The following ADORA2A variants were observed in gnomAD, a reference collection of about 807,000 sequenced individuals.
ADORA2A encodes adenosine receptor A2a.
Under a neutral mutation model 18.4 loss-of-function variants are expected in ADORA2A, and 11 were observed. The ratio of observed to expected loss-of-function variants is 0.60; its 90% CI spans 0.38 to 0.99. The LOEUF (loss-of-function observed/expected upper bound fraction) is 0.99, where lower values mean the gene tolerates loss of function less well. ADORA2A is among the 50% of genes least tolerant of loss of function. The probability of loss-of-function intolerance (pLI) is 0.01; values close to 1 mark genes in which losing one functional copy is unlikely to be tolerated. For missense variants in ADORA2A, 449 were observed against 556.1 expected (o/e 0.81, Z 1.94); for synonymous variants, 218 against 237.3 (o/e 0.92, Z 0.75).
intron 2 of ADORA2A, among the ~76,000 whole-genome samples, chr22:24,434,487 T>A (rs898461906): frequency 3.3e-5 from 5 of 152,212 alleles, no homozygotes; most frequent in African/African-American, 4.8e-5. Flanking sequence ...CGGCATGGAT[T>A]CCACCTACCC....
chr22:24,433,260 C>T lies in ADORA2A; in HGVS notation c.-145C>T. On this transcript the variant is annotated 5_prime_UTR_variant, in exon 2 of 3. Transcript: ENST00000337539. ...TGGAGAGCGCCCCAGCAGGGCTGCA[C>T]TTGGCTCCTGTGAGGAAGGGGCTCA... 1.3e-6 allele frequency: 1 copy of T among 753,672 alleles called. No homozygotes were observed. Among genetic ancestry groups the T allele is most frequent in the South Asian group, 1.8e-5 (1 of 54,342 alleles). 46.7% of individuals were successfully genotyped at this position (753,672 alleles called of 1,614,324 possible).
intron 2 of ADORA2A, among the ~76,000 whole-genome samples, chr22:24,439,039 G>A (rs2043255659): frequency 7.2e-6 from 1 of 138,274 alleles, no homozygotes; most frequent in African/African-American, 2.6e-5. Flanking sequence ...TCCCAGCTCC[G>A]CAGTTAAGTA....
intron 2 of ADORA2A, among the ~76,000 whole-genome samples, chr22:24,437,847 G>A (rs957695409): frequency 6.6e-6 from 1 of 152,260 alleles, no homozygotes; most frequent in Non-Finnish European, 1.5e-5. Flanking sequence ...TGTGTTCCCA[G>A]AAGCCTTCGG....
chr22:24,428,122 G>A (rs550903166), intron 1 of ADORA2A, among the ~76,000 whole-genome samples: 18 of 152,336 alleles, frequency 1.2e-4, no homozygotes, highest in African/African-American at 4.1e-4. Flanking sequence ...TTACCACTGG[G>A]CAGTGAGGAA....
chr22:24,431,923 G>A (rs991983961), intron 1 of ADORA2A, among the ~76,000 whole-genome samples: 6 of 152,192 alleles, frequency 3.9e-5, no homozygotes, highest in Admixed American at 3.9e-4. Context: ...TCATGGGTGA[G>A]AGCTGGCATG....
chr22:24,441,193 A>G lies in ADORA2A; in HGVS notation c.943A>G (p.Lys315Glu). 1 of 1,614,110 alleles carries G rather than the reference A, an allele frequency of 6.2e-7. No homozygotes were observed. Among genetic ancestry groups the G allele is most frequent in the Non-Finnish European group, 8.5e-7 (1 of 1,180,034 alleles). The change falls in exon 3 of 3, where the codon AAG becomes GAG. Residue 315 changes from lysine (K) to glutamate (E), a missense_variant. Physicochemically the swap from Lys to Glu is moderately conservative, Grantham distance 56 (BLOSUM62 1). Coordinates refer to ENST00000337539, the MANE Select transcript of ADORA2A (RefSeq NM_000675.6). ...CGTCCTGAGGCAGCAAGAACCTTTCAAGGCAGCTGGCACCAGTGCCCGGGT... is the reference window on the plus strand; with the variant it reads ...CGTCCTGAGGCAGCAAGAACCTTTCGAGGCAGCTGGCACCAGTGCCCGGGT... ...SHVLRQQEPF[K>E]AAGTSARVLA...
At chr22:24,423,610 G>C (rs1024975934), upstream of ADORA2A, 4 of 152,156 alleles carry the variant, frequency 2.6e-5, no homozygotes, top group African/African-American at 9.7e-5. Flanking sequence ...TCCCAGGCCC[G>C]AGGACTCCTG....
rs755818370 is a variant in ADORA2A at position 24,441,306 on chromosome 22, C to T, written c.1056C>T (p.Pro352=). The T allele has an allele frequency of 2.5e-6, 4 of 1,608,078 alleles. No homozygotes were observed. Among genetic ancestry groups the T allele is most frequent in the African/African-American group, 1.3e-5 (1 of 74,856 alleles). Residue 352 remains proline (P), a synonymous_variant, in exon 3 of 3, where the codon CCC becomes CCT. Transcript: ENST00000337539. The part of the protein sequence containing the change: ...PPGVWANGSA[P]HPERRPNGYA... ...GAGTGTGGGCCAACGGCAGTGCTCC[C>T]CACCCTGAGCGGAGGCCCAATGGCT...
Position 24,441,402 on chromosome 22 carries a change from G to C in ADORA2A, c.1152G>C (p.Glu384Asp). The change falls in exon 3 of 3, where the codon GAG becomes GAC. Residue 384 changes from glutamate to aspartate, a missense_variant. Coordinates refer to ENST00000337539, the MANE Select transcript of ADORA2A (RefSeq NM_000675.6). ...GGAACACGGGCCTCCCAGACGTGGA[G>C]CTCCTTAGCCATGAGCTCAAGGGAG... ...SQGNTGLPDVELLSHELKGVC... is the reference protein window; with the variant it reads ...SQGNTGLPDVDLLSHELKGVC... The C allele has an allele frequency of 6.4e-7, 1 of 1,560,068 alleles. No homozygotes were observed. Among genetic ancestry groups the C allele is most frequent in the Non-Finnish European group, 8.7e-7 (1 of 1,154,598 alleles).
upstream of ADORA2A, chr22:24,424,421 A>C (rs946565725): frequency 6.6e-5 from 10 of 152,110 alleles, no homozygotes; most frequent in African/African-American, 1.4e-4. This position sits in a 1 kb window ranked among gnomAD's most constrained non-coding sequence, Gnocchi z 4.9. Flanking sequence ...GCGCGCTCGC[A>C]TGAACCTTCG....
Position 24,440,640 on chromosome 22 carries a change from G to A in ADORA2A, c.390G>A (p.Val130=), listed in dbSNP as rs1384192596. 1.9e-6 allele frequency: 3 copies of A among 1,603,844 alleles called. No individual in the cohort carries two copies. Among genetic ancestry groups the A allele is most frequent in the South Asian group, 1.1e-5 (1 of 89,824 alleles). ...RAKGIIAICW[V]LSFAIGLTPM... ...AGGGCATCATTGCCATCTGCTGGGT[G>A]CTGTCGTTTGCCATCGGCCTGACTC... Residue 130 remains valine, a synonymous_variant, in exon 3 of 3, where the codon GTG becomes GTA. Transcript: ENST00000337539.
At chr22:24,426,695 T>C (rs7285057), upstream of ADORA2A, among the ~76,000 whole-genome samples, 14,951 of 152,134 alleles carry the variant, frequency 0.098, 848 homozygotes, top group African/African-American at 0.15. Flanking sequence ...CTGGACTCCA[T>C]GGATCTGGCC....
upstream of ADORA2A, among the ~76,000 whole-genome samples, chr22:24,427,380 C>T (rs969478014): frequency 8.5e-5 from 13 of 152,190 alleles, no homozygotes; most frequent in Non-Finnish European, 1.8e-4. Flanking sequence ...ATTGTGAGGC[C>T]CTGCACCCAG....
Position 24,441,408 on chromosome 22 carries a change from T to C in ADORA2A, c.1158T>C (p.Leu386=). The C allele has an allele frequency of 6.4e-7, 1 of 1,555,184 alleles. No individual in the cohort carries two copies. Among genetic ancestry groups the C allele is most frequent in the Non-Finnish European group, 8.7e-7 (1 of 1,152,648 alleles). ...GNTGLPDVEL[L]SHELKGVCPE... The stretch of plus-strand genomic sequence containing the variant: ...CGGGCCTCCCAGACGTGGAGCTCCT[T>C]AGCCATGAGCTCAAGGGAGTGTGCC... Residue 386 remains leucine (L), a synonymous_variant, in exon 3 of 3, where the codon CTT becomes CTC. Coordinates refer to ENST00000337539, the MANE Select transcript of ADORA2A (RefSeq NM_000675.6).
chr22:24,440,914 C>G lies in ADORA2A; in HGVS notation c.664C>G (p.Arg222Gly), dbSNP rs781339364. The change falls in exon 3 of 3, where the codon CGG (arginine) becomes GGG (glycine). Residue 222 changes from arginine (R) to glycine (G), a missense_variant. By Grantham distance (125) the Arg-to-Gly change is moderately radical. Coordinates refer to ENST00000337539, the MANE Select transcript of ADORA2A (RefSeq NM_000675.6). ...ESQPLPGERA[R>G]STLQKEVHAA... ...CCAGCCTCTGCCGGGGGAGCGGGCA[C>G]GGTCCACACTGCAGAAGGAGGTCCA... 6.2e-7 allele frequency: 1 copy of G among 1,614,166 alleles called. No individual in the cohort carries two copies. Among genetic ancestry groups the G allele is most frequent in the South Asian group, 1.1e-5 (1 of 91,086 alleles).
intron 1 of ADORA2A, chr22:24,431,232 C>T (rs1473068583): frequency 2.2e-6 from 1 of 456,762 alleles, no homozygotes; most frequent in Admixed American, 2.3e-5. Flanking sequence ...CTGCTGCAGG[C>T]CCTCCGTTGC....
chr22:24,429,971 C>T (rs889215638), intron 1 of ADORA2A: 5 of 152,308 alleles, frequency 3.3e-5, no homozygotes, highest in African/African-American at 1.2e-4. Context: ...GGAGAATTTA[C>T]ACCACAGAAA....
intron 1 of ADORA2A, chr22:24,431,370 G>A (rs1051440695): frequency 1.1e-5 from 5 of 456,632 alleles, no homozygotes; most frequent in Non-Finnish European, 1.8e-5. Flanking sequence ...AGGTATGGCT[G>A]CAGCCCGTGC....
chr22:24,437,458 T>TC (rs1431980622), intron 2 of ADORA2A, among the ~76,000 whole-genome samples: 2 of 152,080 alleles, frequency 1.3e-5, no homozygotes, highest in Non-Finnish European at 2.9e-5. Context: ...CCTGATGCTG[T>TC]CCCCACCCCG....
Sources: allele counts gnomAD v4.1 joint callset (sites outside exome capture counted in the v4.1 genomes callset), GRCh38; gene constraint gnomAD v4.1.1; non-coding constraint Gnocchi (gnomAD v3.1); transcripts MANE v1.5; gene names NCBI Gene and HGNC (gene_info 2026-07-23, HGNC 2026-07-21).